MAPT: variants seen among roughly 807,000 people sequenced by gnomAD.
The protein encoded by MAPT is microtubule-associated protein tau.
In MAPT, 34 loss-of-function variants were observed where a neutral mutation model predicts 67.9. The ratio of observed to expected loss-of-function variants is 0.50; its 90% CI spans 0.38 to 0.67. The LOEUF (loss-of-function observed/expected upper bound fraction) is 0.67. Among genes scored for constraint, MAPT ranks in the 30% least tolerant of loss-of-function variants. The pLI, the probability that MAPT is intolerant of heterozygous loss-of-function variation, is 0.00. For synonymous variants in MAPT, 456 were observed against 464.5 expected, an observed-to-expected ratio of 0.98 and a Z score of 0.23; for missense variants, 881 against 1,115.2, an observed-to-expected ratio of 0.79 and a Z score of 2.99.
intron 1 of MAPT, among the ~76,000 whole-genome samples, chr17:45,951,717 T>TA (rs2069103625): frequency 6.6e-6 from 1 of 151,752 alleles, no homozygotes; most frequent in South Asian, 2.1e-4. Flanking sequence ...TCAATTTAGC[T>TA]AAAAAACCAC....
intron 1 of MAPT, among the ~76,000 whole-genome samples, chr17:45,926,384 C>T (rs2066291319): frequency 6.6e-6 from 1 of 152,058 alleles, no homozygotes; most frequent in Non-Finnish European, 1.5e-5. Flanking sequence ...TCATGGCTCT[C>T]TTCAAACTTG....
At chr17:45,946,615 A>AAAAAAAAAAAAAAATATATATATATAT in intron 1 of MAPT, among the ~76,000 whole-genome samples, 5 of 100,380 alleles carry the variant, frequency 5.0e-5, no homozygotes, top group Non-Finnish European at 9.8e-5. Context: ...AAAAAAAAAA[A>AAAAAAAAAAAAAAATATATATATATAT]ATATATATAT....
At position 46,027,244 on chromosome 17, in the gene MAPT, T is replaced by C. The variant is rs1390423360; in HGVS notation, c.*3073T>C. The C allele has an allele frequency of 6.8e-6, 1 of 146,146 alleles. No homozygotes were observed. The highest frequency in any genetic ancestry group is 2.4e-5 in the African/African-American group (1 of 41,024). 9.1% of individuals were successfully genotyped at this position (146,146 alleles called of 1,614,324 possible). ...ACGGAAGGCTCTGGGATCTCCCCCT[T>C]GTGGGGCAGGCTCTTGGGGCCAGCC... On this transcript the variant is annotated 3_prime_UTR_variant, in exon 13 of 13. Transcript: ENST00000262410.
chr17:45,940,103 A>G lies in MAPT; in HGVS notation c.-17-22218A>G, dbSNP rs115591873. 4.0e-3 allele frequency among the ~76,000 whole-genome samples: 608 copies of G among 152,358 alleles called. 4 individuals are homozygous for G. The highest frequency in any genetic ancestry group is 0.014 in the African/African-American group (581 of 41,570). ...ATTAAAGGGGACAAAGACAGCCTATATACTACAAGCTTTCTATTTTTATGG... is the reference window on the plus strand; with the variant it reads ...ATTAAAGGGGACAAAGACAGCCTATGTACTACAAGCTTTCTATTTTTATGG... On this transcript the variant is annotated intron_variant, in intron 1 of 12. Coordinates refer to ENST00000262410, the MANE Select transcript of MAPT (RefSeq NM_001377265.1).
At chr17:46,001,978 G>A (rs1473785515) in intron 9 of MAPT, among the ~76,000 whole-genome samples, 1 of 152,244 alleles carries the variant, frequency 6.6e-6, no homozygotes, top group African/African-American at 2.4e-5. Flanking sequence ...CCCACCCGGA[G>A]TGCTGGGTGC....
rs1266686983 is a variant in MAPT, at chr17:45,906,852, A to G, written c.-18+12166A>G. The stretch of plus-strand genomic sequence containing the variant: ...CTCCACATCCTGGAACAGACCCGCC[A>G]GTTTCTTCCAGGCATTGCCTCAGTT... On this transcript the variant is annotated intron_variant, in intron 1 of 12. Coordinates refer to ENST00000262410, the MANE Select transcript of MAPT (RefSeq NM_001377265.1). This position sits in a 1 kb window ranked among gnomAD's most constrained non-coding sequence, Gnocchi z 4.3. Among the ~76,000 whole-genome samples the G allele has an allele frequency of 6.6e-6, 1 of 152,100 alleles. No individual in the cohort carries two copies. The highest frequency in any genetic ancestry group is 1.9e-4 in the East Asian group (1 of 5,192).
At chr17:46,002,686 G>A (rs1016452231) in intron 9 of MAPT, among the ~76,000 whole-genome samples, 1 of 152,082 alleles carries the variant, frequency 6.6e-6, no homozygotes, top group African/African-American at 2.4e-5. Context: ...GGCGGGGGGT[G>A]CAATATTCAA....
intron 1 of MAPT, among the ~76,000 whole-genome samples, chr17:45,917,770 C>CTT (rs66632770): frequency 1.4e-5 from 2 of 139,644 alleles, no homozygotes; most frequent in African/African-American, 5.1e-5. Context: ...ATTCCAGCGT[C>CTT]TTTTTTTTTT....
chr17:45,896,452 G>T lies in MAPT; in HGVS notation c.-18+1766G>T, dbSNP rs1568120410. 1 of 152,338 alleles carries T rather than the reference G, an allele frequency of 6.6e-6. No individual in the cohort carries two copies. Among genetic ancestry groups the T allele is most frequent in the African/African-American group, 2.4e-5 (1 of 41,462 alleles). The allele number at this position is 152,338 out of a possible 1,614,324, so 9.4% of individuals were successfully genotyped here. ...GGAGAATGTGAGGAAGGGGCATAAG[G>T]TTACTGGTGCTTCGGCCACACCCAT... On this transcript the variant is annotated intron_variant, in intron 1 of 12. Transcript: ENST00000262410. The surrounding 1 kb of genome is among the most constrained non-coding windows in gnomAD (Gnocchi z 5.6).
At chr17:46,005,683 CAG>C in intron 9 of MAPT, among the ~76,000 whole-genome samples, 2 of 152,296 alleles carry the variant, frequency 1.3e-5, no homozygotes, top group African/African-American at 4.8e-5. Flanking sequence ...AAGACTTGTG[CAG>C]AGGGCGACAG....
At chr17:45,926,093 C>A (rs2066262131) in intron 1 of MAPT, among the ~76,000 whole-genome samples, 1 of 151,910 alleles carries the variant, frequency 6.6e-6, no homozygotes. Context: ...CATCTGTAAT[C>A]CCAGCTACTT....
intron 12 of MAPT, among the ~76,000 whole-genome samples, chr17:46,023,097 G>T (rs920810532): frequency 2.6e-5 from 4 of 152,186 alleles, no homozygotes; most frequent in Non-Finnish European, 5.9e-5. Context: ...GGCATCAGTG[G>T]CTGTGGGAGA....
At position 45,906,663 on chromosome 17, in the gene MAPT, G is replaced by A. The variant is rs2144026512; in HGVS notation, c.-18+11977G>A. 6.6e-6 allele frequency among the ~76,000 whole-genome samples: 1 copy of A among 152,184 alleles called. No homozygotes were observed. Among genetic ancestry groups the A allele is most frequent in the Non-Finnish European group, 1.5e-5 (1 of 68,020 alleles). Reference sequence around the variant, plus strand: ...GACAATGGCCCATCTCTTCTCCAGCGTGGCCAGGTTTGAGTGCCAGTCCTG... The same window carrying A: ...GACAATGGCCCATCTCTTCTCCAGCATGGCCAGGTTTGAGTGCCAGTCCTG... On this transcript the variant is annotated intron_variant, in intron 1 of 12. Transcript: ENST00000262410. The surrounding 1 kb of genome is among the most constrained non-coding windows in gnomAD (Gnocchi z 4.3).
At position 45,995,250 on chromosome 17, in the gene MAPT, A is replaced by T. The variant is rs2074380466; in HGVS notation, c.1733-1149A>T. Among the ~76,000 whole-genome samples the T allele has an allele frequency of 6.6e-6, 1 of 152,138 alleles. No individual in the cohort carries two copies. ...AAGCTTCTGGACTTGCAGGAAAGCT[A>T]AGTTCTCAGACTGCAGGGGAGCTAA... On this transcript the variant is annotated intron_variant, in intron 8 of 12. Transcript: ENST00000262410. This position sits in a 1 kb window ranked among gnomAD's most constrained non-coding sequence, Gnocchi z 4.3.
At chr17:46,008,187 C>G (rs1275429079) in intron 9 of MAPT, among the ~76,000 whole-genome samples, 1 of 152,208 alleles carries the variant, frequency 6.6e-6, no homozygotes, top group African/African-American at 2.4e-5. Context: ...ACCTCCATCT[C>G]CCGGGTTCAA....
chr17:46,014,474 C>T lies in MAPT; in HGVS notation c.2173+150C>T, dbSNP rs566330326. On this transcript the variant is annotated intron_variant, in intron 11 of 12. Transcript: ENST00000262410. Reference sequence around the variant, plus strand: ...AGGAAAGTGTTGAGTGTGAAACTTGCGGGAGCCCAGGAGGCGTGGTGGCTC... The same window carrying T: ...AGGAAAGTGTTGAGTGTGAAACTTGTGGGAGCCCAGGAGGCGTGGTGGCTC... The T allele has an allele frequency of 2.4e-5, 17 of 707,100 alleles. 1 individual carries two copies. The Middle Eastern group carries it at 1.4e-3, about 59-fold the overall frequency. 43.8% of individuals were successfully genotyped at this position (707,100 alleles called of 1,614,324 possible). A position where few individuals can be genotyped will look rare whatever the true frequency, so the allele number is the denominator to read the frequency against.
Position 46,024,179 on chromosome 17 carries a change from C to T in MAPT, c.*8C>T, listed in dbSNP as rs758515837. The T allele has an allele frequency of 6.2e-7, 1 of 1,612,860 alleles. No individual in the cohort carries two copies. The highest frequency in any genetic ancestry group is 8.5e-7 in the Non-Finnish European group (1 of 1,179,058). On this transcript the variant is annotated 3_prime_UTR_variant, in exon 13 of 13. Coordinates refer to ENST00000262410, the MANE Select transcript of MAPT (RefSeq NM_001377265.1). ...GCCAAGCAGGGTTTGTGATCAGGCC[C>T]CTGGGGCGGTCAATAATTGTGGAGA... is the stretch of plus-strand genomic sequence containing the variant.
chr17:45,916,060 C>G (rs1181950691), intron 1 of MAPT, among the ~76,000 whole-genome samples: 1 of 152,206 alleles, frequency 6.6e-6, no homozygotes, highest in Non-Finnish European at 1.5e-5. Flanking sequence ...GTCAGCCCAC[C>G]ATGGTGGTCT....
chr17:45,969,815 A>G (rs529133759), intron 2 of MAPT, among the ~76,000 whole-genome samples: 2 of 151,862 alleles, frequency 1.3e-5, no homozygotes, highest in South Asian at 2.1e-4. Context: ...TCCATCATAC[A>G]TACATCTAAC....
Sources: gnomAD v4.1 joint callset for allele counts (sites outside exome capture counted in the v4.1 genomes callset) on GRCh38, gnomAD v4.1.1 for gene constraint, Gnocchi (gnomAD v3.1) non-coding constraint, MANE v1.5 for transcripts, NCBI Gene and HGNC (gene_info 2026-07-23, HGNC 2026-07-21) for gene names.